The following SH3BGRL2 variants were observed in gnomAD, a reference collection of about 807,000 sequenced individuals.
SH3BGRL2 encodes the protein SH3 domain-binding glutamic acid-rich-like protein 2.
Under a neutral mutation model 14.8 loss-of-function variants are expected in SH3BGRL2, and 21 were observed. The observed-to-expected ratio is 1.42, with a 90% CI of 1.01 to 2.05. The LOEUF (loss-of-function observed/expected upper bound fraction) is 2.05. Among genes scored for constraint, SH3BGRL2 ranks in the 30% most tolerant of loss-of-function variants. SH3BGRL2 has a pLI of 0.00. For synonymous variants in SH3BGRL2, 50 were observed against 47.8 expected (o/e 1.05, Z -0.19); for missense variants, 147 against 130.8 (o/e 1.12, Z -0.61).
chr6:79,654,429 A>G (rs79077521), intron 1 of SH3BGRL2, among the ~76,000 whole-genome samples: 127 of 152,180 alleles, frequency 8.3e-4, no homozygotes, highest in African/African-American at 3.0e-3. Flanking sequence ...CTTTGTTTTG[A>G]TTTTTACAAA....
the SH3BGRL2 span, among the ~76,000 whole-genome samples, chr6:79,596,853 G>A: frequency 2.6e-5 from 4 of 152,142 alleles, no homozygotes; most frequent in Non-Finnish European, 2.9e-5. Context: ...AGATGAAAAT[G>A]GAAATCTGGA....
chr6:79,671,906 A>C (rs1424410143), intron 1 of SH3BGRL2, among the ~76,000 whole-genome samples: 1 of 152,208 alleles, frequency 6.6e-6, no homozygotes, highest in Non-Finnish European at 1.5e-5. Flanking sequence ...CATCCACTTG[A>C]AAACTTCCTT....
At chr6:79,595,193 G>A in the SH3BGRL2 span, among the ~76,000 whole-genome samples, 6,456 of 152,260 alleles carry the variant, frequency 0.042, 157 homozygotes, top group Middle Eastern at 0.085. Flanking sequence ...GGCTGAGTGA[G>A]GCAGGAGAAT....
At chr6:79,645,018 G>A (rs1769101070) in intron 1 of SH3BGRL2, among the ~76,000 whole-genome samples, 1 of 151,880 alleles carries the variant, frequency 6.6e-6, no homozygotes, top group African/African-American at 2.4e-5. Flanking sequence ...AAATTAGCTG[G>A]GTGTGCTGGC....
chr6:79,613,756 GCCA>G, the SH3BGRL2 span, among the ~76,000 whole-genome samples: 1 of 151,940 alleles, frequency 6.6e-6, no homozygotes, highest in African/African-American at 2.4e-5. Context: ...ACAGGTGCCC[GCCA>G]CCATGCCTGG....
At chr6:79,631,185 G>A (rs1768814730), upstream of SH3BGRL2, 3 of 361,402 alleles carry the variant, frequency 8.3e-6, no homozygotes, top group African/African-American at 2.1e-5. Context: ...GGGGAGCTCA[G>A]TCCACCAGCC....
intron 1 of SH3BGRL2, among the ~76,000 whole-genome samples, chr6:79,646,556 T>A (rs992569211): frequency 3.3e-5 from 5 of 152,238 alleles, no homozygotes; most frequent in African/African-American, 1.2e-4. Context: ...GAGATATAAT[T>A]CACATGCCAT....
intron 1 of SH3BGRL2, among the ~76,000 whole-genome samples, chr6:79,664,906 T>A (rs1481298989): frequency 2.0e-5 from 3 of 152,220 alleles, no homozygotes; most frequent in Non-Finnish European, 4.4e-5. Flanking sequence ...CCATTTGTTA[T>A]CATTGAAAAA....
At chr6:79,584,892 C>G in the SH3BGRL2 span, among the ~76,000 whole-genome samples, 1 of 152,248 alleles carries the variant, frequency 6.6e-6, no homozygotes, top group South Asian at 2.1e-4. Flanking sequence ...ATAGGATTCT[C>G]TCTTACAGAT....
At chr6:79,618,562 C>T in the SH3BGRL2 span, among the ~76,000 whole-genome samples, 4 of 151,886 alleles carry the variant, frequency 2.6e-5, no homozygotes, top group South Asian at 6.2e-4. Context: ...AAAAATTAGC[C>T]GGGCATGGTG....
At chr6:79,555,969 T>C in the SH3BGRL2 span, among the ~76,000 whole-genome samples, 1 of 152,232 alleles carries the variant, frequency 6.6e-6, no homozygotes, top group East Asian at 1.9e-4. Context: ...ACAGAAAGAA[T>C]TATTCACTAA....
At chr6:79,662,702 G>T (rs193091984) in intron 1 of SH3BGRL2, among the ~76,000 whole-genome samples, 165 of 152,222 alleles carry the variant, frequency 1.1e-3, no homozygotes, top group Non-Finnish European at 1.9e-3. Flanking sequence ...TGCCTTGCTA[G>T]GTTGGGGAAG....
At chr6:79,659,914 G>GTTCAC (rs199740661) in intron 1 of SH3BGRL2, among the ~76,000 whole-genome samples, 72,332 of 151,354 alleles carry the variant, frequency 0.48, 17,796 homozygotes, top group Non-Finnish European at 0.53. Flanking sequence ...GTAAATGGGA[G>GTTCAC]TTCACTCGTG....
At chr6:79,550,504 C>T in the SH3BGRL2 span, among the ~76,000 whole-genome samples, 1 of 152,124 alleles carries the variant, frequency 6.6e-6, no homozygotes, top group East Asian at 1.9e-4. Context: ...AAAAATCTGA[C>T]CACCACAGAG....
chr6:79,655,681 A>G (rs1769395485), intron 1 of SH3BGRL2, among the ~76,000 whole-genome samples: 1 of 152,232 alleles, frequency 6.6e-6, no homozygotes, highest in Admixed American at 6.5e-5. Flanking sequence ...AAATGGAATT[A>G]TATGATATGT....
At chr6:79,598,184 A>C in the SH3BGRL2 span, among the ~76,000 whole-genome samples, 9 of 152,228 alleles carry the variant, frequency 5.9e-5, no homozygotes, top group African/African-American at 1.9e-4. Flanking sequence ...ATAGTCTAGC[A>C]GTTCCTCAAG....
intron 1 of SH3BGRL2, among the ~76,000 whole-genome samples, chr6:79,663,757 A>T (rs866864232): frequency 6.6e-6 from 1 of 152,224 alleles, no homozygotes; most frequent in Non-Finnish European, 1.5e-5. Flanking sequence ...TTGTTCAGCT[A>T]TGCCCTGCTC....
the SH3BGRL2 span, among the ~76,000 whole-genome samples, chr6:79,577,523 T>G: frequency 6.6e-6 from 1 of 152,218 alleles, no homozygotes; most frequent in Admixed American, 6.5e-5. Context: ...ATCAAAGTAT[T>G]GTTAGCATTT....
At chr6:79,589,463 A>C in the SH3BGRL2 span, among the ~76,000 whole-genome samples, 2 of 152,178 alleles carry the variant, frequency 1.3e-5, no homozygotes, top group East Asian at 3.8e-4. Flanking sequence ...GTGATAAATC[A>C]GTCAATCATT....
Sources: allele counts gnomAD v4.1 joint callset (sites outside exome capture counted in the v4.1 genomes callset), GRCh38; gene constraint gnomAD v4.1.1; transcripts MANE v1.5; gene names NCBI Gene and HGNC (gene_info 2026-07-23, HGNC 2026-07-21).